The following RIMS1 variants were observed in gnomAD, a reference collection of about 807,000 sequenced individuals.
RIMS1 encodes the protein regulating synaptic membrane exocytosis 1, also known as regulating synaptic membrane exocytosis protein 1.
RIMS1 carries 83 observed loss-of-function variants against 214.1 expected under a neutral mutation model. The ratio of observed to expected loss-of-function variants is 0.39; its 90% confidence interval spans 0.32 to 0.47. RIMS1 has a LOEUF of 0.47. Ranked by LOEUF, RIMS1 falls within the 20% of genes least tolerant of loss-of-function variation. RIMS1 has a pLI of 0.99. For synonymous variants in RIMS1, 793 were observed against 786.8 expected, an observed-to-expected ratio of 1.01 and a Z score of -0.13; for missense variants, 2,050 against 2,161.8, an observed-to-expected ratio of 0.95 and a Z score of 1.03.
intron 23 of RIMS1, among the ~76,000 whole-genome samples, chr6:72,277,451 A>T (rs1007178426): frequency 6.6e-6 from 1 of 151,342 alleles, no homozygotes; most frequent in African/African-American, 2.4e-5. Flanking sequence ...GCGCGGTGGC[A>T]GGCGCCTGTA....
intron 2 of RIMS1, among the ~76,000 whole-genome samples, chr6:72,010,751 C>A (rs1370460693): frequency 6.6e-6 from 1 of 152,010 alleles, no homozygotes; most frequent in Non-Finnish European, 1.5e-5. Flanking sequence ...GAATAAAATA[C>A]CTAGGAATCC....
intron 4 of RIMS1, among the ~76,000 whole-genome samples, chr6:72,158,139 C>T (rs1039996055): frequency 7.1e-6 from 1 of 140,616 alleles, no homozygotes; most frequent in East Asian, 2.0e-4. Flanking sequence ...TTCCATTTAG[C>T]TTCATTTTCC....
intron 6 of RIMS1, among the ~76,000 whole-genome samples, chr6:72,203,706 G>A (rs949348179): frequency 1.3e-5 from 2 of 152,168 alleles, no homozygotes. Context: ...AGTCAATGTG[G>A]AGCAGTGCCC....
chr6:72,384,606 T>G (rs938142763), intron 29 of RIMS1, among the ~76,000 whole-genome samples: 1 of 152,210 alleles, frequency 6.6e-6, no homozygotes. Context: ...CTGATTTTCT[T>G]CTGTACCTCT....
At chr6:72,336,800 A>G (rs765075278) in intron 29 of RIMS1, among the ~76,000 whole-genome samples, 18 of 151,808 alleles carry the variant, frequency 1.2e-4, no homozygotes, top group Non-Finnish European at 2.4e-4. Context: ...GTTTTAGTGC[A>G]TAGCCTGATA....
At chr6:71,966,440 G>C (rs1222530569) in intron 1 of RIMS1, among the ~76,000 whole-genome samples, 1 of 152,164 alleles carries the variant, frequency 6.6e-6, no homozygotes, top group Non-Finnish European at 1.5e-5. Context: ...ATATTAACTT[G>C]AAATTTTAAA....
intron 4 of RIMS1, among the ~76,000 whole-genome samples, chr6:72,117,074 C>T (rs1204380336): frequency 6.6e-6 from 1 of 151,960 alleles, no homozygotes; most frequent in Admixed American, 6.6e-5. Flanking sequence ...TTCCGTTCCT[C>T]ATATCTGGTC....
intron 6 of RIMS1, among the ~76,000 whole-genome samples, chr6:72,195,663 C>A (rs137945696): frequency 2.0e-5 from 3 of 152,068 alleles, no homozygotes; most frequent in Non-Finnish European, 2.9e-5. Context: ...AGTTCTTAAA[C>A]TAAACGTACT....
intron 6 of RIMS1, among the ~76,000 whole-genome samples, chr6:72,208,472 A>G (rs2053292089): frequency 6.6e-6 from 1 of 152,182 alleles, no homozygotes; most frequent in African/African-American, 2.4e-5. Flanking sequence ...GAGCTCAGAG[A>G]GCTAAAATGT....
At chr6:72,166,930 T>G (rs1359495029) in intron 4 of RIMS1, among the ~76,000 whole-genome samples, 1 of 152,094 alleles carries the variant, frequency 6.6e-6, no homozygotes, top group Non-Finnish European at 1.5e-5. Context: ...TTTTATTGCT[T>G]GATTAATTTG....
At position 72,258,244 on chromosome 6, in the gene RIMS1, A is replaced by G. The variant is rs767699562; in HGVS notation, c.2890A>G (p.Lys964Glu). Residue 964 changes from lysine to glutamate, a missense_variant, in exon 17 of 34, where the codon AAG becomes GAG. This residue lies in a region of RIMS1 where 889 missense variants were observed against 885.5 expected (regional missense o/e 1.00). Transcript: ENST00000521978. ...TCCTCATCGCGGCAATGATCAGGGA[A>G]AGCCGCGTTCACGTTTACCAAATGT... ...VSPHRGNDQG[K>E]PRSRLPNVPL... 72 of 1,613,352 alleles carry G rather than the reference A, an allele frequency of 4.5e-5. No individual in the cohort carries two copies. In the Admixed American group the frequency reaches 1.2e-3, roughly 27 times the overall value.
chr6:72,312,966 A>G (rs1391693784), intron 27 of RIMS1, among the ~76,000 whole-genome samples: 1 of 152,066 alleles, frequency 6.6e-6, no homozygotes, highest in Non-Finnish European at 1.5e-5. Context: ...TATTTTTTCT[A>G]TATACATTAT....
chr6:71,969,090 T>C (rs769887707), intron 2 of RIMS1, 27 bp downstream of exon 2: 5 of 1,602,206 alleles, frequency 3.1e-6, no homozygotes, highest in Admixed American at 1.7e-5. Context: ...TTTTATTGAC[T>C]GAAAATGTCG....
chr6:72,036,850 A>T (rs959676515), intron 2 of RIMS1, among the ~76,000 whole-genome samples: 3 of 152,172 alleles, frequency 2.0e-5, no homozygotes, highest in African/African-American at 4.8e-5. Flanking sequence ...GCTAGAAATG[A>T]AAGGGGGCAA....
At chr6:72,365,799 C>A (rs2097986557) in intron 29 of RIMS1, 1 of 152,218 alleles carries the variant, frequency 6.6e-6, no homozygotes, top group Non-Finnish European at 1.5e-5. Context: ...AGGAGCCACA[C>A]AGAAATATGC....
At position 72,144,590 on chromosome 6, in the gene RIMS1, G is replaced by A. The variant is rs759437175; in HGVS notation, c.472-34985G>A. ...CTAAGATTTGGGTGCATGGGGCTTC[G>A]CTTTGGTTAGCTCCCATGGTCTTCT... On this transcript the variant is annotated intron_variant, in intron 4 of 33. Coordinates refer to ENST00000521978, the MANE Select transcript of RIMS1 (RefSeq NM_014989.7). 4.2e-4 allele frequency among the ~76,000 whole-genome samples: 64 copies of A among 151,988 alleles called. 1 individual carries two copies. Among genetic ancestry groups the A allele is most frequent in the Middle Eastern group, 3.4e-3 (1 of 292 alleles).
At chr6:72,102,796 A>G (rs544682694) in intron 4 of RIMS1, among the ~76,000 whole-genome samples, 2 of 152,218 alleles carry the variant, frequency 1.3e-5, no homozygotes, top group South Asian at 4.1e-4. Context: ...TCTGGCTAGC[A>G]TTAAAGGCAA....
chr6:72,117,547 T>G (rs1005653878), intron 4 of RIMS1, among the ~76,000 whole-genome samples: 1 of 151,926 alleles, frequency 6.6e-6, no homozygotes, highest in Non-Finnish European at 1.5e-5. Context: ...CTAAATAAAT[T>G]TAAGAAAATT....
intron 4 of RIMS1, among the ~76,000 whole-genome samples, chr6:72,122,608 G>A (rs62408074): frequency 0.2 from 30,261 of 151,526 alleles, 3,975 homozygotes; most frequent in Non-Finnish European, 0.25. Context: ...TCTGGTCCTG[G>A]ACTTTTTTTG....
Sources: allele counts gnomAD v4.1 joint callset (sites outside exome capture counted in the v4.1 genomes callset), GRCh38; gene constraint gnomAD v4.1.1; regional missense constraint gnomAD v4.1.1; transcripts MANE v1.5; gene names NCBI Gene and HGNC (gene_info 2026-07-23, HGNC 2026-07-21).